KAZN: variants seen among roughly 807,000 people sequenced by gnomAD.
KAZN encodes the protein kazrin.
Under a neutral mutation model 87.4 loss-of-function variants are expected in KAZN, and 40 were observed. That is an observed-to-expected ratio of 0.46 (90% CI 0.36 to 0.60). The LOEUF (loss-of-function observed/expected upper bound fraction) is 0.60, where lower values mean the gene tolerates loss of function less well. KAZN is among the 20% of genes least tolerant of loss of function. KAZN has a pLI of 0.00. For synonymous variants in KAZN, 466 were observed against 458.3 expected (o/e 1.02, Z -0.22); for missense variants, 898 against 1,073.9 (o/e 0.84, Z 2.29).
rs921437995 is a variant in KAZN, at chr1:14,718,688, T to G, written c.226+119465T>G. On this transcript the variant is annotated intron_variant, in intron 1 of 14. Coordinates refer to ENST00000376030, the MANE Select transcript of KAZN (RefSeq NM_201628.3). ...GCACACGCGGGCAGTGCCAAGGACC[T>G]CACATGGCGAATGTCACTGGCCTTC... is the stretch of plus-strand genomic sequence containing the variant. Among the ~76,000 whole-genome samples, 130 of 152,318 alleles carry G rather than the reference T, an allele frequency of 8.5e-4. 1 individual carries two copies. The highest frequency in any genetic ancestry group is 3.0e-3 in the African/African-American group (126 of 41,570).
Position 14,890,028 on chromosome 1 carries a change from C to A in KAZN, c.227-70656C>A, listed in dbSNP as rs1427360080. Reference sequence around the variant, plus strand: ...ATGGGCTTTTTATGTCGTCAACCTGCAGAACACAGGAAGAGTTAGGGAGAA... The same window carrying A: ...ATGGGCTTTTTATGTCGTCAACCTGAAGAACACAGGAAGAGTTAGGGAGAA... On this transcript the variant is annotated intron_variant, in intron 1 of 14. Transcript: ENST00000376030. Among the ~76,000 whole-genome samples, 3 of 152,278 alleles carry A rather than the reference C, an allele frequency of 2.0e-5. No homozygotes were observed. The East Asian group carries it at 5.8e-4, about 29-fold the overall frequency.
chr1:14,022,485 C>CAAAAAAAAAAAAA lies in KAZN; in HGVS notation c.91+128746_91+128758dup, dbSNP rs58713618. On this transcript the variant is annotated intron_variant, in intron 1 of 16. Transcript: ENST00000636203. ...CATTATAGCTTTCACGTATTTAAAGCAAAAAAAAAAAAAAAAAAAAAAAAA... is the reference window on the plus strand; with the variant it reads ...CATTATAGCTTTCACGTATTTAAAGCAAAAAAAAAAAAAAAAAAAAAAAAAAAAAAAAAAAAAA... 1.5e-3 allele frequency among the ~76,000 whole-genome samples: 166 copies of CAAAAAAAAAAAAA among 110,458 alleles called. 3 individuals carry two copies. The highest frequency in any genetic ancestry group is 4.2e-3 in the African/African-American group (129 of 30,474). The allele number at this position is 110,458 out of a possible 152,430, so 72.5% of individuals were successfully genotyped here. A position where few individuals can be genotyped will look rare whatever the true frequency, so the allele number is the denominator to read the frequency against.
rs561145385 is a variant in KAZN, at chr1:14,701,430, C to G, written c.226+102207C>G. On this transcript the variant is annotated intron_variant, in intron 1 of 14. Transcript: ENST00000376030. ...ACAGGCATGAGCCACTGTGCCCAGC[C>G]TAGTATAATTTTTAAAAACAAGAGC... 2.6e-5 allele frequency among the ~76,000 whole-genome samples: 4 copies of G among 152,326 alleles called. No homozygotes were observed. In the South Asian group the frequency reaches 8.3e-4, roughly 32 times the overall value.
chr1:14,717,510 G>A (rs1013942863), intron 1 of KAZN, among the ~76,000 whole-genome samples: 1 of 152,074 alleles, frequency 6.6e-6, no homozygotes, highest in African/African-American at 2.4e-5. Context: ...CCTATCTTCT[G>A]TGGCCCCCTC....
chr1:14,996,042 C>T lies in KAZN; in HGVS notation c.418+35167C>T, dbSNP rs908697854. 9.9e-5 allele frequency among the ~76,000 whole-genome samples: 15 copies of T among 152,160 alleles called. No homozygotes were observed. Among genetic ancestry groups the T allele is most frequent in the Non-Finnish European group, 1.6e-4 (11 of 68,028 alleles). On this transcript the variant is annotated intron_variant, in intron 2 of 14. Transcript: ENST00000376030. This position sits in a 1 kb window ranked among gnomAD's most constrained non-coding sequence, Gnocchi z 5.9. ...TAAGACACCTAATGCCATCCTCAGCCCGCGGCCCTCTGTAGCCCCCAGCCC... is the reference window on the plus strand; with the variant it reads ...TAAGACACCTAATGCCATCCTCAGCTCGCGGCCCTCTGTAGCCCCCAGCCC...
At chr1:14,375,061 C>A (rs750309403) in intron 2 of KAZN, among the ~76,000 whole-genome samples, 5 of 152,132 alleles carry the variant, frequency 3.3e-5, no homozygotes, top group Non-Finnish European at 7.4e-5. Context: ...AGCTACAGCT[C>A]CAGGTTAACA....
At chr1:14,885,867 C>T (rs965643835) in intron 1 of KAZN, among the ~76,000 whole-genome samples, 5 of 152,102 alleles carry the variant, frequency 3.3e-5, no homozygotes, top group African/African-American at 2.4e-5. Context: ...ATAAATCTAT[C>T]GATACAGATG....
chr1:14,553,277 G>A (rs1037472017), intron 2 of KAZN, among the ~76,000 whole-genome samples: 12 of 152,124 alleles, frequency 7.9e-5, no homozygotes, highest in Non-Finnish European at 1.3e-4. Flanking sequence ...CTCTGGAGAC[G>A]CTTGAACTGG....
At chr1:14,636,429 C>T (rs1034871582) in intron 1 of KAZN, among the ~76,000 whole-genome samples, 1 of 152,170 alleles carries the variant, frequency 6.6e-6, no homozygotes, top group Non-Finnish European at 1.5e-5. Context: ...CATGCTTGAG[C>T]CCTTTGGATA....
chr1:14,169,513 G>T (rs561621995), intron 1 of KAZN, among the ~76,000 whole-genome samples: 308 of 152,264 alleles, frequency 2.0e-3, no homozygotes, highest in Non-Finnish European at 3.3e-3. Flanking sequence ...AGTGAAGAGG[G>T]TGCTGTCCTA....
chr1:14,514,592 A>ATT (rs1491219443), intron 2 of KAZN, among the ~76,000 whole-genome samples: 1 of 92,062 alleles, frequency 1.1e-5, no homozygotes, highest in Admixed American at 1.8e-4. Flanking sequence ...ATTTTTTTAT[A>ATT]TTTTATATAT....
At chr1:14,226,973 TTATC>T (rs1647349294) in intron 2 of KAZN, among the ~76,000 whole-genome samples, 1 of 152,022 alleles carries the variant, frequency 6.6e-6, no homozygotes, top group Admixed American at 6.6e-5. Flanking sequence ...GGTGACAAAA[TTATC>T]TATAAACCAA....
At chr1:14,821,217 A>G (rs559242972) in intron 1 of KAZN, among the ~76,000 whole-genome samples, 7 of 152,250 alleles carry the variant, frequency 4.6e-5, no homozygotes, top group Admixed American at 4.6e-4. Flanking sequence ...AATGTGACTG[A>G]ATATGGAGGA....
intron 2 of KAZN, among the ~76,000 whole-genome samples, chr1:14,332,053 C>A (rs1342765094): frequency 6.6e-6 from 1 of 152,180 alleles, no homozygotes; most frequent in Non-Finnish European, 1.5e-5. Flanking sequence ...CTGCAGGCCA[C>A]ATATAGTCTC....
At chr1:14,085,469 C>T (rs939481886) in intron 1 of KAZN, among the ~76,000 whole-genome samples, 1 of 152,198 alleles carries the variant, frequency 6.6e-6, no homozygotes, top group East Asian at 1.9e-4. Context: ...CACCTGCTTT[C>T]TGTCACTATA....
intron 2 of KAZN, among the ~76,000 whole-genome samples, chr1:14,452,395 T>C (rs1667327029): frequency 6.6e-6 from 1 of 152,232 alleles, no homozygotes; most frequent in East Asian, 1.9e-4. Flanking sequence ...CTAGTCACTT[T>C]ACAGTGAGTT....
rs1189350196 is a variant in KAZN at position 14,214,289 on chromosome 1, T to A, written c.249+33697T>A. 2.0e-5 allele frequency among the ~76,000 whole-genome samples: 3 copies of A among 152,190 alleles called. No individual in the cohort carries two copies. In the East Asian group the frequency reaches 5.8e-4, roughly 29 times the overall value. On this transcript the variant is annotated intron_variant, in intron 2 of 16. Coordinates refer to the KAZN transcript ENST00000636203. ...GACATGATCACATACATGAATTTGCTTATCGGTTTGTTGTCTTTCTTTCCA... is the reference window on the plus strand; with the variant it reads ...GACATGATCACATACATGAATTTGCATATCGGTTTGTTGTCTTTCTTTCCA...
At chr1:14,838,118 C>T (rs1427022522) in intron 1 of KAZN, among the ~76,000 whole-genome samples, 1 of 152,100 alleles carries the variant, frequency 6.6e-6, no homozygotes, top group Non-Finnish European at 1.5e-5. Context: ...CAAGATGGCG[C>T]CTTGGGGCTG....
At chr1:14,107,499 G>A (rs1644403759) in intron 1 of KAZN, among the ~76,000 whole-genome samples, 1 of 152,154 alleles carries the variant, frequency 6.6e-6, no homozygotes, top group Non-Finnish European at 1.5e-5. Context: ...GGGTAGGAAA[G>A]TAGCTGAGAT....
Sources: gnomAD v4.1 joint callset for allele counts (sites outside exome capture counted in the v4.1 genomes callset) on GRCh38, gnomAD v4.1.1 for gene constraint, Gnocchi (gnomAD v3.1) non-coding constraint, MANE v1.5 for transcripts, NCBI Gene and HGNC (gene_info 2026-07-23, HGNC 2026-07-21) for gene names.